The following PUS10 variants were observed in gnomAD, a reference collection of about 807,000 sequenced individuals.
PUS10 encodes tRNA pseudouridine synthase Pus10.
PUS10 carries 59 observed loss-of-function variants against 75.0 expected under a neutral mutation model. That is an observed-to-expected ratio of 0.79 (90% CI 0.64 to 0.98). PUS10 has a LOEUF of 0.98. Among genes scored for constraint, PUS10 ranks in the 50% least tolerant of loss-of-function variants. PUS10 has a pLI of 0.00. For missense variants in PUS10, 650 were observed against 614.4 expected, an observed-to-expected ratio of 1.06 and a Z score of -0.61; for synonymous variants, 219 against 211.6, an observed-to-expected ratio of 1.03 and a Z score of -0.30.
chr2:60,952,288 T>G (rs375148760), intron 15 of PUS10, among the ~76,000 whole-genome samples: 183 of 148,786 alleles, frequency 1.2e-3, no homozygotes, highest in African/African-American at 4.4e-3. Context: ...GAGCTGAGAT[T>G]GTGCCATTGC....
At position 60,942,400 on chromosome 2, in the gene PUS10, C is replaced by G. The variant is rs761107033; in HGVS notation, c.1585G>C (p.Asp529His). ...TTTGTCTCCAAATTTGAAAGCTAGTCATCCAGAGCAGGTGGCCAGTCAACA... is the reference window on the plus strand; with the variant it reads ...TTTGTCTCCAAATTTGAAAGCTAGTGATCCAGAGCAGGTGGCCAGTCAACA... ...VDVDWPPALD[D>H] Residue 529 changes from aspartate to histidine, a missense_variant, in exon 18 of 18, where the codon GAC (aspartate) becomes CAC (histidine). Asp to His is a moderately conservative substitution (Grantham distance 81). Transcript: ENST00000316752. 3.7e-6 allele frequency: 6 copies of G among 1,613,452 alleles called. No individual in the cohort carries two copies. The highest frequency in any genetic ancestry group is 1.6e-4 in the Middle Eastern group (1 of 6,062).
intron 4 of PUS10, among the ~76,000 whole-genome samples, chr2:60,984,870 T>TA (rs1677620400): frequency 6.6e-6 from 1 of 152,140 alleles, no homozygotes; most frequent in Admixed American, 6.5e-5. Context: ...CAGGTATACG[T>TA]TAATATGTAT....
rs181303760 is a variant in PUS10 at position 61,006,783 on chromosome 2, A to C, written c.382-140T>G. 320 of 630,576 alleles carry C rather than the reference A, an allele frequency of 5.1e-4. 4 individuals carry two copies. The Admixed American group carries it at 9.8e-3, about 19-fold the overall frequency. The allele number at this position is 630,576 out of a possible 1,614,324, so 39.1% of individuals were successfully genotyped here. A position where few individuals can be genotyped will look rare whatever the true frequency, so the allele number is the denominator to read the frequency against. ...TTTCACATTTGACAGTGGAACACTCACAAATATCTTGAGATTAAATATTGC... is the reference window on the plus strand; with the variant it reads ...TTTCACATTTGACAGTGGAACACTCCCAAATATCTTGAGATTAAATATTGC... On this transcript the variant is annotated intron_variant, in intron 3 of 17. Coordinates refer to ENST00000316752, the MANE Select transcript of PUS10 (RefSeq NM_144709.4).
At chr2:61,010,717 G>T in intron 2 of PUS10, 1 of 1,488,890 alleles carries the variant, frequency 6.7e-7, no homozygotes, top group African/African-American at 1.4e-5. Flanking sequence ...CCCATTTACA[G>T]AGGAGTAAAC....
chr2:61,002,801 T>A (rs921719449), intron 4 of PUS10, among the ~76,000 whole-genome samples: 1 of 152,222 alleles, frequency 6.6e-6, no homozygotes, highest in African/African-American at 2.4e-5. Context: ...AATCTCAAAT[T>A]TATTATTAAA....
At chr2:60,972,135 C>G (rs1676717710) in intron 4 of PUS10, among the ~76,000 whole-genome samples, 1 of 142,364 alleles carries the variant, frequency 7.0e-6, no homozygotes, top group Non-Finnish European at 1.5e-5. Flanking sequence ...TCCCAAAGTG[C>G]TGGGATTACA....
chr2:60,997,006 G>A (rs1678509254), intron 4 of PUS10, among the ~76,000 whole-genome samples: 1 of 152,118 alleles, frequency 6.6e-6, no homozygotes, highest in African/African-American at 2.4e-5. Context: ...TAAAAAGCTG[G>A]GGAGTCCTGT....
chr2:60,974,323 C>T (rs1156254464), intron 4 of PUS10, among the ~76,000 whole-genome samples: 1 of 146,444 alleles, frequency 6.8e-6, no homozygotes, highest in East Asian at 2.1e-4. Flanking sequence ...TCAAGTGTTT[C>T]TCCTGCCTCA....
intron 1 of PUS10, among the ~76,000 whole-genome samples, chr2:61,016,979 A>C (rs1226859756): frequency 1.3e-5 from 2 of 151,888 alleles, no homozygotes; most frequent in Non-Finnish European, 1.5e-5. Flanking sequence ...CCGAGATCTA[A>C]CCTCAAGCCT....
At position 60,941,903 on chromosome 2, in the gene PUS10, G is replaced by C. The variant is rs143271103; in HGVS notation, c.*492C>G. On this transcript the variant is annotated 3_prime_UTR_variant, in exon 18 of 18. Coordinates refer to ENST00000316752, the MANE Select transcript of PUS10 (RefSeq NM_144709.4). ...AATAGCTTGTTTGAGGCTTCCTGGG[G>C]AAAATAATGATGTCAGATTTGCATT... The C allele has an allele frequency of 6.6e-6, 1 of 152,364 alleles. No individual in the cohort carries two copies. The highest frequency in any genetic ancestry group is 2.4e-5 in the African/African-American group (1 of 41,406). The allele number at this position is 152,364 out of a possible 1,614,324, so 9.4% of individuals were successfully genotyped here. A position where few individuals can be genotyped will look rare whatever the true frequency, so the allele number is the denominator to read the frequency against.
chr2:60,970,950 C>A (rs1016910158), intron 5 of PUS10, among the ~76,000 whole-genome samples: 4 of 151,960 alleles, frequency 2.6e-5, no homozygotes, highest in Admixed American at 2.0e-4. Flanking sequence ...GAGGCCGAGG[C>A]GGGTGAATCA....
chr2:60,999,987 C>T (rs1344488886), intron 4 of PUS10, among the ~76,000 whole-genome samples: 1 of 151,796 alleles, frequency 6.6e-6, no homozygotes, highest in African/African-American at 2.4e-5. Context: ...AAATAGTATA[C>T]CATTTTATAT....
intron 4 of PUS10, among the ~76,000 whole-genome samples, chr2:60,985,871 G>T (rs188454059): frequency 6.4e-4 from 95 of 149,050 alleles, no homozygotes; most frequent in African/African-American, 2.2e-3. Flanking sequence ...TCTAGGTTGG[G>T]TCTGCAATCC....
intron 1 of PUS10, among the ~76,000 whole-genome samples, chr2:61,016,195 T>C (rs1478925342): frequency 6.6e-6 from 1 of 152,180 alleles, no homozygotes; most frequent in Admixed American, 6.5e-5. Flanking sequence ...CCAAACCTGA[T>C]TGATGAGAAT....
chr2:60,962,374 C>G (rs1676078694), intron 9 of PUS10, among the ~76,000 whole-genome samples: 1 of 152,158 alleles, frequency 6.6e-6, no homozygotes, highest in South Asian at 2.1e-4. Flanking sequence ...GAGTTCAAGA[C>G]CAGCCTGGCC....
At position 60,953,034 on chromosome 2, in the gene PUS10, A is replaced by G. The variant is rs780749817; in HGVS notation, c.1271T>C (p.Ile424Thr). Reference protein sequence around the residue: ...YSALIWTNKAIQKKDIEFLND... With the variant: ...YSALIWTNKATQKKDIEFLND... ...TAGGAATTCAATGTCTTTCTTCTGT[A>G]TCGCTTTATTTGTCCAAATTAAGGC... Residue 424 changes from isoleucine (I) to threonine (T), a missense_variant, in exon 15 of 18, where the codon ATA becomes ACA. By Grantham distance (89) the Ile-to-Thr change is moderately conservative. Coordinates refer to ENST00000316752, the MANE Select transcript of PUS10 (RefSeq NM_144709.4). The G allele has an allele frequency of 1.4e-5, 23 of 1,599,048 alleles. No homozygotes were observed. In the South Asian group the frequency reaches 2.5e-4, roughly 18 times the overall value.
chr2:60,943,585 A>G lies in PUS10; in HGVS notation c.1552-1152T>C, dbSNP rs572758217. Among the ~76,000 whole-genome samples, 18 of 152,310 alleles carry G rather than the reference A, an allele frequency of 1.2e-4. No homozygotes were observed. The South Asian group carries it at 3.5e-3, about 30-fold the overall frequency. ...CATTAATCCATGAGTCACTTCACGT[A>G]CTGGCTTCAAAAAAAATTTATTAGA... On this transcript the variant is annotated intron_variant, in intron 17 of 17. Coordinates refer to ENST00000316752, the MANE Select transcript of PUS10 (RefSeq NM_144709.4).
chr2:61,009,143 C>A (rs1679440547), intron 2 of PUS10, 128 bp from the exon 3 acceptor site: 1 of 787,654 alleles, frequency 1.3e-6, no homozygotes, highest in African/African-American at 1.7e-5. Flanking sequence ...GTTGACATAT[C>A]AATTCTGAAG....
At chr2:61,005,004 C>T (rs899680601) in intron 4 of PUS10, among the ~76,000 whole-genome samples, 1 of 152,202 alleles carries the variant, frequency 6.6e-6, no homozygotes, top group Non-Finnish European at 1.5e-5. Context: ...CCTGTAATCC[C>T]AGCACTCTGG....
Sources: gnomAD v4.1 joint callset for allele counts (sites outside exome capture counted in the v4.1 genomes callset) on GRCh38, gnomAD v4.1.1 for gene constraint, MANE v1.5 for transcripts, NCBI Gene and HGNC (gene_info 2026-07-23, HGNC 2026-07-21) for gene names.